The following FGGY variants were observed in gnomAD, a reference collection of about 807,000 sequenced individuals.
FGGY encodes FGGY carbohydrate kinase domain containing, also known as FGGY carbohydrate kinase domain-containing protein.
In FGGY, 72 loss-of-function variants were observed where a neutral mutation model predicts 71.3. The ratio of observed to expected loss-of-function variants is 1.01; its 90% CI spans 0.84 to 1.23. The LOEUF (loss-of-function observed/expected upper bound fraction) is 1.23. FGGY is among the 50% of genes most tolerant of loss of function. The pLI, the probability that FGGY is intolerant of heterozygous loss-of-function variation, is 0.00. For synonymous variants in FGGY, 251 were observed against 250.3 expected (o/e 1.00, Z -0.02); for missense variants, 668 against 682.3 (o/e 0.98, Z 0.23).
intron 5 of FGGY, among the ~76,000 whole-genome samples, chr1:59,416,672 G>C (rs2153434770): frequency 6.6e-6 from 1 of 152,350 alleles, no homozygotes; most frequent in African/African-American, 2.4e-5. Flanking sequence ...TTGTAGGATA[G>C]TTGCTGCATC....
At chr1:59,474,768 A>C (rs1427253259) in intron 6 of FGGY, among the ~76,000 whole-genome samples, 2 of 152,244 alleles carry the variant, frequency 1.3e-5, no homozygotes, top group African/African-American at 4.8e-5. Flanking sequence ...ATAAATAAGT[A>C]ATAAGTTCAC....
At chr1:59,604,616 A>G (rs1001379699) in intron 8 of FGGY, among the ~76,000 whole-genome samples, 1 of 152,210 alleles carries the variant, frequency 6.6e-6, no homozygotes, top group African/African-American at 2.4e-5. Flanking sequence ...GGGAGAAGGG[A>G]GGTGAAGTGT....
intron 14 of FGGY, among the ~76,000 whole-genome samples, chr1:59,728,178 T>C (rs1355697554): frequency 1.3e-5 from 2 of 152,092 alleles, no homozygotes; most frequent in African/African-American, 4.8e-5. Context: ...TTCTCTCCTC[T>C]CTTAGCATAT....
chr1:59,373,164 T>C (rs575429657), intron 4 of FGGY, among the ~76,000 whole-genome samples: 16 of 152,186 alleles, frequency 1.1e-4, no homozygotes, highest in African/African-American at 3.9e-4. Flanking sequence ...GAAAACCCCA[T>C]TGTCTCAGCC....
At chr1:59,587,493 T>C (rs1484288680) in intron 8 of FGGY, among the ~76,000 whole-genome samples, 2 of 152,248 alleles carry the variant, frequency 1.3e-5, no homozygotes, top group Non-Finnish European at 1.5e-5. Flanking sequence ...GACTGCCTCC[T>C]CAAGTGGGTC....
intron 5 of FGGY, chr1:59,393,102 A>C (rs1183736458): frequency 2.0e-5 from 3 of 152,172 alleles, no homozygotes; most frequent in Non-Finnish European, 4.4e-5. Flanking sequence ...AAATTAATGG[A>C]TTCCAAATGC....
chr1:59,592,226 CA>C (rs1260574967), intron 8 of FGGY, among the ~76,000 whole-genome samples: 1 of 152,078 alleles, frequency 6.6e-6, no homozygotes, highest in African/African-American at 2.4e-5. Context: ...AAATCAAAAC[CA>C]CAATGAGATA....
intron 5 of FGGY, among the ~76,000 whole-genome samples, chr1:59,426,776 T>A (rs1198540475): frequency 6.6e-6 from 1 of 152,106 alleles, no homozygotes; most frequent in Admixed American, 6.5e-5. Context: ...TCTAGAACCT[T>A]AGTTGGTTGC....
At chr1:59,721,337 GTTTTT>G (rs71046339) in intron 14 of FGGY, among the ~76,000 whole-genome samples, 43,168 of 105,522 alleles carry the variant, frequency 0.41, 7,951 homozygotes, top group Middle Eastern at 0.52. Context: ...TCTTTCCTTT[GTTTTT>G]TTTTTTTTTT....
chr1:59,465,930 C>A (rs1246951551), intron 6 of FGGY, among the ~76,000 whole-genome samples: 1 of 152,076 alleles, frequency 6.6e-6, no homozygotes, highest in African/African-American at 2.4e-5. Context: ...GCCATACTGC[C>A]CAAGGTAATT....
intron 11 of FGGY, among the ~76,000 whole-genome samples, chr1:59,651,575 C>T (rs1277986757): frequency 2.0e-5 from 3 of 147,908 alleles, no homozygotes; most frequent in South Asian, 2.2e-4. Context: ...GGATTGCAAC[C>T]CCTGCCTTTT....
intron 1 of FGGY, among the ~76,000 whole-genome samples, chr1:59,313,561 A>G (rs1570154795): frequency 1.3e-5 from 2 of 152,118 alleles, no homozygotes; most frequent in South Asian, 4.1e-4. Flanking sequence ...AAACTGTGAT[A>G]TATGTATCAC....
chr1:59,519,700 G>A (rs1021719996), intron 7 of FGGY, among the ~76,000 whole-genome samples: 1 of 152,158 alleles, frequency 6.6e-6, no homozygotes, highest in Non-Finnish European at 1.5e-5. Flanking sequence ...TGTGTCCTAT[G>A]TGCCAAGTAC....
At chr1:59,693,047 T>C (rs1020802170) in intron 14 of FGGY, among the ~76,000 whole-genome samples, 1 of 152,216 alleles carries the variant, frequency 6.6e-6, no homozygotes, top group Non-Finnish European at 1.5e-5. Context: ...CTACCAGTAG[T>C]AGGAACTCTC....
chr1:59,614,065 A>C (rs1384813709), intron 9 of FGGY, among the ~76,000 whole-genome samples: 1 of 152,222 alleles, frequency 6.6e-6, no homozygotes, highest in Admixed American at 6.5e-5. Flanking sequence ...ATTCTACCAG[A>C]GGTACAAGGA....
Position 59,485,543 on chromosome 1 carries a change from T to A in FGGY, c.671-26768T>A, listed in dbSNP as rs533260273. On this transcript the variant is annotated intron_variant, in intron 6 of 15. Transcript: ENST00000303721. The stretch of plus-strand genomic sequence containing the variant: ...ATACCAGCCTTGGATTCACTACCTC[T>A]GGACTTTGTTTGTATGAGTAGGAAA... 2.6e-5 allele frequency among the ~76,000 whole-genome samples: 4 copies of A among 152,320 alleles called. No individual in the cohort carries two copies. In the East Asian group the frequency reaches 7.7e-4, roughly 29 times the overall value.
At chr1:59,396,611 C>T (rs1557790346) in intron 5 of FGGY, among the ~76,000 whole-genome samples, 1 of 152,106 alleles carries the variant, frequency 6.6e-6, no homozygotes. Flanking sequence ...GCCTCAGGTC[C>T]TTTGGACTGT....
At chr1:59,689,396 A>G (rs1048716540) in intron 14 of FGGY, among the ~76,000 whole-genome samples, 2 of 152,208 alleles carry the variant, frequency 1.3e-5, no homozygotes, top group Non-Finnish European at 1.5e-5. Context: ...AGTGAAAAAG[A>G]AAGTTGGATA....
chr1:59,427,972 A>T (rs149089152), intron 5 of FGGY, among the ~76,000 whole-genome samples: 1 of 152,304 alleles, frequency 6.6e-6, no homozygotes, highest in Non-Finnish European at 1.5e-5. Context: ...TGTCAGTCTT[A>T]CTGATTGGAA....
Sources: allele counts gnomAD v4.1 joint callset (sites outside exome capture counted in the v4.1 genomes callset), GRCh38; gene constraint gnomAD v4.1.1; transcripts MANE v1.5; gene names NCBI Gene and HGNC (gene_info 2026-07-23, HGNC 2026-07-21).